The following ADGB variants were observed in gnomAD, a reference collection of about 807,000 sequenced individuals.
ADGB encodes the protein androglobin, also known as calpain-7-like protein.
Under a neutral mutation model 210.5 loss-of-function variants are expected in ADGB, and 172 were observed. The ratio of observed to expected loss-of-function variants is 0.82; its 90% CI spans 0.72 to 0.93. The LOEUF is 0.93. Ranked by LOEUF, ADGB falls within the 40% of genes least tolerant of loss-of-function variation. The pLI, the probability that ADGB is intolerant of heterozygous loss-of-function variation, is 0.00. For synonymous variants in ADGB, 658 were observed against 662.7 expected, an observed-to-expected ratio of 0.99 and a Z score of 0.11; for missense variants, 2,025 against 1,964.8, an observed-to-expected ratio of 1.03 and a Z score of -0.58.
At chr6:146,792,490 G>T (rs1164966203) in intron 33 of ADGB, among the ~76,000 whole-genome samples, 2 of 151,896 alleles carry the variant, frequency 1.3e-5, no homozygotes, top group African/African-American at 4.8e-5. Context: ...TGAGAAAATT[G>T]ACTATAATCA....
At chr6:146,763,176 TTGTA>T (rs1374471993) in intron 27 of ADGB, among the ~76,000 whole-genome samples, 3 of 152,180 alleles carry the variant, frequency 2.0e-5, no homozygotes, top group African/African-American at 7.2e-5. Flanking sequence ...AGAGGTCACT[TTGTA>T]TGTTTCCCTT....
At chr6:146,710,339 T>G (rs545959126) in intron 13 of ADGB, among the ~76,000 whole-genome samples, 143 of 152,138 alleles carry the variant, frequency 9.4e-4, no homozygotes, top group African/African-American at 3.4e-3. Context: ...TTTTCCCATA[T>G]AGATACACAA....
intron 18 of ADGB, 177 bp downstream of exon 18, chr6:146,724,504 A>G: frequency 1.8e-6 from 1 of 553,616 alleles, no homozygotes; most frequent in East Asian, 3.3e-5. Context: ...CTACATTGAG[A>G]AATACTGTAC....
At chr6:146,673,396 C>T (rs1280656386) in intron 8 of ADGB, among the ~76,000 whole-genome samples, 1 of 152,122 alleles carries the variant, frequency 6.6e-6, no homozygotes, top group Non-Finnish European at 1.5e-5. Context: ...AATGGGGTTT[C>T]TCAGGGCCTC....
At chr6:146,658,118 TG>T (rs1007528299) in intron 5 of ADGB, among the ~76,000 whole-genome samples, 1 of 152,112 alleles carries the variant, frequency 6.6e-6, no homozygotes. Context: ...TGGGGAATGT[TG>T]AAGGGCCAAT....
At chr6:146,766,608 A>T (rs1298616899) in intron 28 of ADGB, among the ~76,000 whole-genome samples, 1 of 152,030 alleles carries the variant, frequency 6.6e-6, no homozygotes, top group East Asian at 1.9e-4. Flanking sequence ...TGAAACGATA[A>T]TTCAAAGTCC....
intron 30 of ADGB, among the ~76,000 whole-genome samples, chr6:146,782,614 C>T (rs968753612): frequency 2.0e-5 from 3 of 152,030 alleles, no homozygotes; most frequent in Admixed American, 6.6e-5. Context: ...TAAGCAAAGA[C>T]GTGATGAGGC....
chr6:146,714,419 G>C (rs1268401835), intron 13 of ADGB, among the ~76,000 whole-genome samples: 2 of 152,118 alleles, frequency 1.3e-5, no homozygotes, highest in Non-Finnish European at 1.5e-5. Context: ...AGGTCGAGCA[G>C]CACAGAGAAG....
intron 1 of ADGB, among the ~76,000 whole-genome samples, chr6:146,601,735 A>C (rs1285813606): frequency 6.6e-6 from 1 of 152,078 alleles, no homozygotes; most frequent in Non-Finnish European, 1.5e-5. Context: ...AGAATCTTAC[A>C]CTCCTAGAGA....
rs1356353790 is a variant in ADGB, at chr6:146,815,435, T to C, written c.*218T>C. On this transcript the variant is annotated 3_prime_UTR_variant, in exon 36 of 36. Coordinates refer to ENST00000397944, the MANE Select transcript of ADGB (RefSeq NM_024694.4). ...ATTTCAATAAAATAGCTTCCAAATATTTAATAAAATATGTTTGACACTCTA... is the reference window on the plus strand; with the variant it reads ...ATTTCAATAAAATAGCTTCCAAATACTTAATAAAATATGTTTGACACTCTA... 7 of 303,818 alleles carry C rather than the reference T, an allele frequency of 2.3e-5. No individual in the cohort carries two copies. The highest frequency in any genetic ancestry group is 4.1e-5 in the Non-Finnish European group (7 of 170,306). 18.8% of individuals were successfully genotyped at this position (303,818 alleles called of 1,614,324 possible).
chr6:146,614,151 C>A (rs1780751316), intron 1 of ADGB, among the ~76,000 whole-genome samples: 1 of 151,774 alleles, frequency 6.6e-6, no homozygotes, highest in Non-Finnish European at 1.5e-5. Flanking sequence ...TCCTGAAGTT[C>A]CCTTTTATCC....
At chr6:146,605,206 G>A (rs1039877928) in intron 1 of ADGB, among the ~76,000 whole-genome samples, 6 of 152,164 alleles carry the variant, frequency 3.9e-5, no homozygotes, top group Non-Finnish European at 2.9e-5. Flanking sequence ...AGGAATCAAG[G>A]TAGCAAGAAA....
chr6:146,773,670 CATAGG>C (rs972597274), intron 29 of ADGB, among the ~76,000 whole-genome samples: 3 of 152,124 alleles, frequency 2.0e-5, no homozygotes, highest in African/African-American at 7.2e-5. Context: ...CCTAAGTTTG[CATAGG>C]TTCGAAGGAG....
At chr6:146,666,724 A>T in intron 6 of ADGB, 92 bp from the exon 7 acceptor site, 1 of 712,180 alleles carries the variant, frequency 1.4e-6, no homozygotes, top group East Asian at 2.7e-5. Flanking sequence ...TAATCAGAAT[A>T]TATTGCTGTT....
intron 33 of ADGB, among the ~76,000 whole-genome samples, chr6:146,794,403 G>A (rs1410110521): frequency 6.7e-6 from 1 of 150,112 alleles, no homozygotes; most frequent in Non-Finnish European, 1.5e-5. Flanking sequence ...TGTCCCATTG[G>A]AGAAAAAACC....
chr6:146,696,170 G>A (rs1352445267), intron 12 of ADGB, among the ~76,000 whole-genome samples: 2 of 151,820 alleles, frequency 1.3e-5, no homozygotes, highest in Non-Finnish European at 2.9e-5. Flanking sequence ...CTGCCTTCCA[G>A]GTTCAAGTGA....
At chr6:146,814,415 AAGAC>A (rs139045276) in intron 35 of ADGB, among the ~76,000 whole-genome samples, 1 of 152,348 alleles carries the variant, frequency 6.6e-6, no homozygotes, top group Non-Finnish European at 1.5e-5. Flanking sequence ...GGTGAGACAG[AAGAC>A]AATCTAAGAG....
intron 16 of ADGB, among the ~76,000 whole-genome samples, chr6:146,718,909 C>A (rs766479505): frequency 1.3e-5 from 2 of 150,764 alleles, no homozygotes; most frequent in Non-Finnish European, 3.0e-5. Context: ...TGTGAAAACA[C>A]CTAGAGGAAT....
At position 146,803,275 on chromosome 6, in the gene ADGB, A is replaced by G. The variant is rs913657958; in HGVS notation, c.4818+1264A>G. On this transcript the variant is annotated intron_variant, in intron 35 of 35. Transcript: ENST00000397944. ...GTTTCATGGTCCTGAGAAACCTCAG[A>G]AAAAAACCCACTATATTTTGATGAT... 2.8e-4 allele frequency: 445 copies of G among 1,603,916 alleles called. 4 individuals carry two copies. The highest frequency in any genetic ancestry group is 2.5e-3 in the South Asian group (229 of 90,726).
Sources: allele counts gnomAD v4.1 joint callset (sites outside exome capture counted in the v4.1 genomes callset), GRCh38; gene constraint gnomAD v4.1.1; transcripts MANE v1.5; gene names NCBI Gene and HGNC (gene_info 2026-07-23, HGNC 2026-07-21).